CTNND2: variants seen among roughly 807,000 people sequenced by gnomAD.
CTNND2 encodes catenin delta-2.
In CTNND2, 22 loss-of-function variants were observed where a neutral mutation model predicts 144.4. The observed-to-expected ratio is 0.15, with a 90% CI of 0.11 to 0.22. The LOEUF is 0.22. CTNND2 is among the 10% of genes least tolerant of loss of function. The probability of loss-of-function intolerance (pLI) is 1.00; values close to 1 mark genes in which losing one functional copy is unlikely to be tolerated. For synonymous variants in CTNND2, 751 were observed against 695.6 expected, an observed-to-expected ratio of 1.08 and a Z score of -1.25; for missense variants, 1,353 against 1,618.8, an observed-to-expected ratio of 0.84 and a Z score of 2.82.
chr5:11,415,302 G>A (rs1761853911), intron 3 of CTNND2, among the ~76,000 whole-genome samples: 1 of 151,956 alleles, frequency 6.6e-6, no homozygotes, highest in African/African-American at 2.4e-5. Context: ...AGTCATGGTG[G>A]CGCTAGGCAT....
chr5:11,068,628 C>T (rs1330387046), intron 16 of CTNND2, among the ~76,000 whole-genome samples: 1 of 152,178 alleles, frequency 6.6e-6, no homozygotes, highest in Non-Finnish European at 1.5e-5. Context: ...TAATAAGAAT[C>T]TACTAGGCCA....
In CTNND2 at chr5:11,476,032, C is replaced by CTT. The variant is rs1167874201; in HGVS notation, c.288-63964_288-63963insAA. Among the ~76,000 whole-genome samples the CTT allele has an allele frequency of 1.2e-3, 171 of 143,324 alleles. 1 individual carries two copies. Among genetic ancestry groups the CTT allele is most frequent in the African/African-American group, 4.2e-3 (161 of 37,912 alleles). 94.0% of individuals were successfully genotyped at this position (143,324 alleles called of 152,430 possible). On this transcript the variant is annotated intron_variant, in intron 3 of 21. Coordinates refer to ENST00000304623, the MANE Select transcript of CTNND2 (RefSeq NM_001332.4). ...GCACCACCATGCCCGGCTAATTTTT[C>CTT]TATTTTTTTTTTTTTTTTTGTAGAG... is the stretch of plus-strand genomic sequence containing the variant.
At position 11,483,939 on chromosome 5, in the gene CTNND2, G is replaced by A. The variant is rs139635564; in HGVS notation, c.288-71870C>T. ...TGGATTGGGATAGACAAGTGACTCA[G>A]GTGGGAGAAACTGAGAATGACAACT... On this transcript the variant is annotated intron_variant, in intron 3 of 21. Transcript: ENST00000304623. Among the ~76,000 whole-genome samples the A allele has an allele frequency of 9.5e-3, 1,442 of 152,290 alleles. 13 individuals are homozygous for A. The highest frequency in any genetic ancestry group is 0.024 in the South Asian group (117 of 4,826).
Position 11,646,897 on chromosome 5 carries a change from A to G in CTNND2, c.175-81841T>C, listed in dbSNP as rs140275741. 9.7e-3 allele frequency among the ~76,000 whole-genome samples: 1,473 copies of G among 152,274 alleles called. 13 individuals carry two copies. Among genetic ancestry groups the G allele is most frequent in the African/African-American group, 0.031 (1,302 of 41,566 alleles). Reference sequence around the variant, plus strand: ...TCTCACTGCTCAGGAAGCTGCTGACACTTGGGGCATCTTCAGTCTCCCTGC... The same window carrying G: ...TCTCACTGCTCAGGAAGCTGCTGACGCTTGGGGCATCTTCAGTCTCCCTGC... On this transcript the variant is annotated intron_variant, in intron 2 of 21. Coordinates refer to ENST00000304623, the MANE Select transcript of CTNND2 (RefSeq NM_001332.4).
At chr5:11,448,130 G>A (rs1047236925) in intron 3 of CTNND2, among the ~76,000 whole-genome samples, 9 of 152,110 alleles carry the variant, frequency 5.9e-5, no homozygotes, top group Admixed American at 2.0e-4. Flanking sequence ...TTCCCCAACT[G>A]CACACATCTG....
At chr5:11,455,010 T>C (rs1765615321) in intron 3 of CTNND2, among the ~76,000 whole-genome samples, 1 of 151,962 alleles carries the variant, frequency 6.6e-6, no homozygotes, top group South Asian at 2.1e-4. Context: ...TTAACTCTTT[T>C]TTTTTTTTGC....
intron 3 of CTNND2, among the ~76,000 whole-genome samples, chr5:11,556,209 C>T (rs1327944491): frequency 6.6e-6 from 1 of 151,872 alleles, no homozygotes; most frequent in South Asian, 2.1e-4. Context: ...AATGTGTACT[C>T]GCTGTGGTAA....
intron 7 of CTNND2, among the ~76,000 whole-genome samples, chr5:11,380,588 A>G (rs1758381339): frequency 6.6e-6 from 1 of 152,220 alleles, no homozygotes; most frequent in South Asian, 2.1e-4. Context: ...TAAATAAAAG[A>G]AACGAAATTT....
chr5:11,240,484 AACACACACCCAACACACACACCCAACAC>A (rs1561075832), intron 9 of CTNND2, among the ~76,000 whole-genome samples: 1 of 97,404 alleles, frequency 1.0e-5, no homozygotes, highest in Non-Finnish European at 2.0e-5. Flanking sequence ...CATACACTCA[AACACACACCCAACACACACACCCAACAC>A]ACACACACCC....
intron 2 of CTNND2, among the ~76,000 whole-genome samples, chr5:11,582,196 G>C (rs1198558853): frequency 6.6e-6 from 1 of 152,166 alleles, no homozygotes; most frequent in Non-Finnish European, 1.5e-5. Context: ...TACTCATTTG[G>C]AAGGGATCAT....
At chr5:11,421,169 G>A (rs1463781618) in intron 3 of CTNND2, among the ~76,000 whole-genome samples, 1 of 152,160 alleles carries the variant, frequency 6.6e-6, no homozygotes, top group Non-Finnish European at 1.5e-5. Context: ...CACCATGACA[G>A]TTGGCAATCA....
At chr5:11,345,790 A>T (rs1322423034) in intron 9 of CTNND2, among the ~76,000 whole-genome samples, 2 of 152,104 alleles carry the variant, frequency 1.3e-5, no homozygotes, top group African/African-American at 2.4e-5. Flanking sequence ...AAGAAAGAAA[A>T]AACAGCAACA....
chr5:11,324,917 T>G (rs1049068279), intron 9 of CTNND2, among the ~76,000 whole-genome samples: 1 of 151,852 alleles, frequency 6.6e-6, no homozygotes, highest in Non-Finnish European at 1.5e-5. Flanking sequence ...AGGCCAAGTT[T>G]AATTTTTCCA....
At chr5:11,117,820 T>C (rs929041565) in intron 12 of CTNND2, among the ~76,000 whole-genome samples, 2 of 152,130 alleles carry the variant, frequency 1.3e-5, no homozygotes, top group African/African-American at 4.8e-5. Flanking sequence ...GATCTGTGAG[T>C]CCCATGACCG....
At chr5:11,145,272 G>T (rs1301316444) in intron 12 of CTNND2, among the ~76,000 whole-genome samples, 2 of 151,994 alleles carry the variant, frequency 1.3e-5, no homozygotes, top group Non-Finnish European at 2.9e-5. Flanking sequence ...AAAAATACAG[G>T]ATGAAAATAT....
chr5:11,137,272 G>A (rs1341719513), intron 12 of CTNND2, among the ~76,000 whole-genome samples: 1 of 152,074 alleles, frequency 6.6e-6, no homozygotes. Flanking sequence ...CAATTTTATT[G>A]GGAGCATGTT....
intron 21 of CTNND2, among the ~76,000 whole-genome samples, chr5:10,978,093 C>T (rs1579925101): frequency 6.6e-6 from 1 of 152,304 alleles, no homozygotes; most frequent in Non-Finnish European, 1.5e-5. Context: ...GAGACAGGAG[C>T]GCTCAGCAGA....
chr5:11,226,182 C>T (rs946196066), intron 10 of CTNND2, among the ~76,000 whole-genome samples: 3 of 152,168 alleles, frequency 2.0e-5, no homozygotes, highest in East Asian at 1.9e-4. Flanking sequence ...GTTCCCACAG[C>T]CCTTGGAAGC....
intron 10 of CTNND2, among the ~76,000 whole-genome samples, chr5:11,230,036 T>C (rs192341622): frequency 1.3e-5 from 2 of 151,670 alleles, no homozygotes; most frequent in Admixed American, 6.6e-5. Flanking sequence ...TCCAAAAGAA[T>C]GAAGAAAGGA....
Sources: gnomAD v4.1 joint callset for allele counts (sites outside exome capture counted in the v4.1 genomes callset) on GRCh38, gnomAD v4.1.1 for gene constraint, MANE v1.5 for transcripts, NCBI Gene and HGNC (gene_info 2026-07-23, HGNC 2026-07-21) for gene names.